DYSF: variants seen among roughly 807,000 people sequenced by gnomAD.
The protein encoded by DYSF is dysferlin.
In DYSF, 212 loss-of-function variants were observed where a neutral mutation model predicts 274.9. That is an observed-to-expected ratio of 0.77 (90% CI 0.69 to 0.86). The LOEUF (loss-of-function observed/expected upper bound fraction) is 0.86, where lower values mean the gene tolerates loss of function less well. Among genes scored for constraint, DYSF ranks in the 40% least tolerant of loss-of-function variants. DYSF has a pLI of 0.00. For synonymous variants in DYSF, 1,091 were observed against 1,078.7 expected, an observed-to-expected ratio of 1.01 and a Z score of -0.22; for missense variants, 2,666 against 2,783.2, an observed-to-expected ratio of 0.96 and a Z score of 0.95.
At chr2:71,612,020 AC>A (rs767695313) in intron 38 of DYSF, among the ~76,000 whole-genome samples, 30 of 151,952 alleles carry the variant, frequency 2.0e-4, no homozygotes, top group Middle Eastern at 3.4e-3. Context: ...AAAGGAGCTC[AC>A]CCCCACAGCC....
At position 71,589,596 on chromosome 2, in the gene DYSF, G is replaced by T. The variant is rs202000264; in HGVS notation, c.3406G>T (p.Gly1136Cys). 3 of 1,613,984 alleles carry T rather than the reference G, an allele frequency of 1.9e-6. No individual in the cohort carries two copies. The highest frequency in any genetic ancestry group is 1.1e-5 in the South Asian group (1 of 91,076). ...AVFALEGALG[G>C]VMDDKSEDSM... The stretch of plus-strand genomic sequence containing the variant: ...ATAACCAGCTTCGTGTCTCCAGGGC[G>T]GCGTGATGGATGACAAGAGTGAAGA... Residue 1136 changes from glycine (G) to cysteine (C), a missense_variant, in exon 31 of 56, where the codon GGC becomes TGC. Physicochemically the swap from Gly to Cys is radical, Grantham distance 159. Coordinates refer to ENST00000410020, the MANE Select transcript of DYSF (RefSeq NM_001130987.2).
At chr2:71,667,719 C>A (rs980810585) in intron 48 of DYSF, among the ~76,000 whole-genome samples, 4 of 152,172 alleles carry the variant, frequency 2.6e-5, no homozygotes, top group African/African-American at 9.7e-5. Flanking sequence ...CTGCCTCCAT[C>A]CCTCAGGGCC....
At chr2:71,529,417 G>A (rs896194379) in intron 14 of DYSF, among the ~76,000 whole-genome samples, 7 of 152,162 alleles carry the variant, frequency 4.6e-5, no homozygotes, top group African/African-American at 1.7e-4. Context: ...TCCTTCTGTT[G>A]TTTAACTTGT....
intron 53 of DYSF, among the ~76,000 whole-genome samples, chr2:71,680,453 G>A (rs1364491465): frequency 1.3e-5 from 2 of 152,106 alleles, no homozygotes; most frequent in Non-Finnish European, 2.9e-5. Flanking sequence ...TCTGTCATCC[G>A]ACTTCTAAAA....
At chr2:71,507,884 G>A (rs2085659005) in intron 4 of DYSF, among the ~76,000 whole-genome samples, 1 of 152,214 alleles carries the variant, frequency 6.6e-6, no homozygotes, top group Non-Finnish European at 1.5e-5. Flanking sequence ...GGCTCAAGTA[G>A]GCTCAAGTGA....
At chr2:71,639,707 T>C (rs1196092987) in intron 41 of DYSF, among the ~76,000 whole-genome samples, 1 of 152,240 alleles carries the variant, frequency 6.6e-6, no homozygotes, top group African/African-American at 2.4e-5. Context: ...AAAATCTTTA[T>C]GCATATCCAT....
intron 40 of DYSF, among the ~76,000 whole-genome samples, chr2:71,618,438 T>C (rs2093986770): frequency 7.7e-6 from 1 of 129,730 alleles, no homozygotes; most frequent in Non-Finnish European, 1.6e-5. Flanking sequence ...AGGTGGGGTG[T>C]GTGTGGTAGA....
At chr2:71,596,894 C>T (rs988702668) in intron 32 of DYSF, among the ~76,000 whole-genome samples, 4 of 152,194 alleles carry the variant, frequency 2.6e-5, no homozygotes, top group Admixed American at 1.3e-4. Flanking sequence ...TTAGATACCT[C>T]CTGCTCTTAA....
At chr2:71,524,651 C>A (rs949384299) in intron 12 of DYSF, among the ~76,000 whole-genome samples, 3 of 152,196 alleles carry the variant, frequency 2.0e-5, no homozygotes, top group Non-Finnish European at 2.9e-5. Context: ...ATTCTCCTGT[C>A]CCTTCGCTGC....
At position 71,658,915 on chromosome 2, in the gene DYSF, C is replaced by T. The variant is rs1346399517; in HGVS notation, c.4793C>T (p.Ala1598Val). The T allele has an allele frequency of 6.2e-7, 1 of 1,614,214 alleles. No individual in the cohort carries two copies. The highest frequency in any genetic ancestry group is 8.5e-7 in the Non-Finnish European group (1 of 1,180,034). Residue 1598 changes from alanine to valine, a missense_variant, in exon 44 of 56, where the codon GCC becomes GTC. Ala to Val is a moderately conservative substitution (Grantham distance 64). Around this residue, in one of 3 missense-constraint regions of DYSF, gnomAD observed 1,460 missense variants for 1,502.1 expected, o/e 0.97. Transcript: ENST00000410020. ...ATTTATCCCCTCCCAGAAGACCCAG[C>T]CATCCCCATGCCCCCAAGACAGTTC... ...FKIYPLPEDP[A>V]IPMPPRQFHQ...
Position 71,580,559 on chromosome 2 carries a change from C to A in DYSF, c.3402+6188C>A, listed in dbSNP as rs146657835. ...AGCTGGCACTGTGAGCAAGGGCAGGCCCTGGGAGGTGCGAGGGGTTTACCT... is the reference window on the plus strand; with the variant it reads ...AGCTGGCACTGTGAGCAAGGGCAGGACCTGGGAGGTGCGAGGGGTTTACCT... On this transcript the variant is annotated intron_variant, in intron 30 of 55. Coordinates refer to ENST00000410020, the MANE Select transcript of DYSF (RefSeq NM_001130987.2). Among the ~76,000 whole-genome samples the A allele has an allele frequency of 2.5e-3, 382 of 152,278 alleles. 5 individuals carry two copies. The highest frequency in any genetic ancestry group is 0.016 in the East Asian group (82 of 5,176).
chr2:71,470,796 CT>C (rs1178796372), intron 1 of DYSF, among the ~76,000 whole-genome samples: 57 of 107,218 alleles, frequency 5.3e-4, no homozygotes, highest in Admixed American at 4.9e-4. Flanking sequence ...TTCCTTCCTT[CT>C]TTTTTTTTTT....
At chr2:71,558,555 T>C (rs996267537) in intron 22 of DYSF, among the ~76,000 whole-genome samples, 4 of 152,198 alleles carry the variant, frequency 2.6e-5, no homozygotes, top group African/African-American at 9.6e-5. Context: ...GCCCTGCACA[T>C]GACCCCCGTG....
At chr2:71,658,130 C>G (rs937434166) in intron 43 of DYSF, among the ~76,000 whole-genome samples, 12 of 152,146 alleles carry the variant, frequency 7.9e-5, no homozygotes, top group African/African-American at 2.7e-4. Context: ...TGCCAGATAC[C>G]CTAAATCGTC....
At chr2:71,508,577 G>C (rs2085749095) in intron 4 of DYSF, among the ~76,000 whole-genome samples, 1 of 152,180 alleles carries the variant, frequency 6.6e-6, no homozygotes, top group African/African-American at 2.4e-5. Context: ...GGTTTTGTCT[G>C]ATGTTTCCTG....
intron 50 of DYSF, 107 bp downstream of exon 50, chr2:71,669,314 C>G (rs2095076364): frequency 4.7e-6 from 5 of 1,059,656 alleles, no homozygotes; most frequent in South Asian, 4.1e-5. Context: ...GAAGAACAAA[C>G]AAACTTCCAA....
At chr2:71,622,338 T>C (rs546852676) in intron 41 of DYSF, among the ~76,000 whole-genome samples, 1 of 152,328 alleles carries the variant, frequency 6.6e-6, no homozygotes, top group South Asian at 2.1e-4. Flanking sequence ...GCCCATTTAT[T>C]AGTTCTGACT....
At chr2:71,466,557 C>A (rs1028323066), upstream of DYSF, 1 of 964,712 alleles carries the variant, frequency 1.0e-6, no homozygotes, top group African/African-American at 1.7e-5. Context: ...GAGCTAGGGA[C>A]CAGCACCCCC....
At chr2:71,639,207 C>G (rs1017187814) in intron 41 of DYSF, among the ~76,000 whole-genome samples, 17 of 151,914 alleles carry the variant, frequency 1.1e-4, no homozygotes, top group African/African-American at 3.9e-4. Context: ...TGTGAGTTCT[C>G]TATATATTCT....
Sources: gnomAD v4.1 joint callset for allele counts (sites outside exome capture counted in the v4.1 genomes callset) on GRCh38, gnomAD v4.1.1 for gene constraint, gnomAD v4.1.1 regional missense constraint, MANE v1.5 for transcripts, NCBI Gene and HGNC (gene_info 2026-07-23, HGNC 2026-07-21) for gene names.